Variants in ABI2 observed in about 807,000 individuals in gnomAD.
ABI2 encodes the protein abelson interactor 2.
ABI2 carries 25 observed loss-of-function variants against 59.2 expected under a neutral mutation model. That is an observed-to-expected ratio of 0.42 (90% CI 0.31 to 0.59). ABI2 has a LOEUF of 0.59. Ranked by LOEUF, ABI2 falls within the 20% of genes least tolerant of loss-of-function variation. The pLI, the probability that ABI2 is intolerant of heterozygous loss-of-function variation, is 0.14. For missense variants in ABI2, 545 were observed against 681.8 expected, an observed-to-expected ratio of 0.80 and a Z score of 2.23; for synonymous variants, 213 against 235.5, an observed-to-expected ratio of 0.90 and a Z score of 0.87.
chr2:203,361,594 G>A (rs2093517343), intron 1 of ABI2, among the ~76,000 whole-genome samples: 1 of 152,096 alleles, frequency 6.6e-6, no homozygotes, highest in Admixed American at 6.6e-5. Flanking sequence ...GAATGCTAAG[G>A]AAAACAGAAT....
At chr2:203,384,341 C>CT (rs2096362223) in intron 4 of ABI2, among the ~76,000 whole-genome samples, 1 of 132,280 alleles carries the variant, frequency 7.6e-6, no homozygotes, top group Non-Finnish European at 1.5e-5. Context: ...GGGTCTCACT[C>CT]TGTCACCCAG....
intron 4 of ABI2, among the ~76,000 whole-genome samples, chr2:203,386,753 C>T (rs1398133856): frequency 1.3e-5 from 2 of 151,348 alleles, no homozygotes; most frequent in African/African-American, 4.9e-5. Flanking sequence ...TTCTCCCTTC[C>T]TCAGACTTCC....
At chr2:203,377,043 C>T (rs1422918738) in intron 2 of ABI2, among the ~76,000 whole-genome samples, 2 of 152,166 alleles carry the variant, frequency 1.3e-5, no homozygotes, top group Non-Finnish European at 1.5e-5. Flanking sequence ...ATGTGCCAGG[C>T]ATAGTGGCTC....
chr2:203,335,775 A>G (rs2076184919), intron 1 of ABI2, among the ~76,000 whole-genome samples: 1 of 152,190 alleles, frequency 6.6e-6, no homozygotes, highest in Non-Finnish European at 1.5e-5. Flanking sequence ...GTTTTGAATC[A>G]TTTACAACAT....
At chr2:203,355,254 C>A in intron 1 of ABI2, 1 of 342,198 alleles carries the variant, frequency 2.9e-6, no homozygotes. Flanking sequence ...TTCCTGTAAT[C>A]CTAGCACTTT....
intron 2 of ABI2, among the ~76,000 whole-genome samples, chr2:203,377,198 C>G (rs1428545535): frequency 6.6e-6 from 1 of 152,148 alleles, no homozygotes; most frequent in East Asian, 1.9e-4. Context: ...GCCTGTAGTC[C>G]TAGCTACTCA....
At chr2:203,378,318 A>G (rs1028441523) in intron 2 of ABI2, among the ~76,000 whole-genome samples, 21 of 152,134 alleles carry the variant, frequency 1.4e-4, no homozygotes, top group South Asian at 4.1e-4. Context: ...TCACCGTGTT[A>G]GCCAGGATGG....
At chr2:203,400,734 G>T (rs2097186574) in intron 8 of ABI2, among the ~76,000 whole-genome samples, 1 of 152,066 alleles carries the variant, frequency 6.6e-6, no homozygotes, top group African/African-American at 2.4e-5. Flanking sequence ...TAAACTTTCA[G>T]CTCCTGTAGA....
Position 203,401,480 on chromosome 2 carries a change from G to T in ABI2, c.1034-1096G>T, listed in dbSNP as rs529759975. 8.9e-4 allele frequency among the ~76,000 whole-genome samples: 135 copies of T among 152,266 alleles called. 1 individual carries two copies. Among genetic ancestry groups the T allele is most frequent in the Non-Finnish European group, 1.7e-3 (117 of 68,024 alleles). On this transcript the variant is annotated intron_variant, in intron 8 of 11. Transcript: ENST00000261018. ...TAGGTGGGAGTGCAGTCAAGGTAAA[G>T]TTTAGGGAGTGGATTATATTATTAG...
At chr2:203,359,647 T>A (rs1351927266) in intron 1 of ABI2, among the ~76,000 whole-genome samples, 2 of 152,154 alleles carry the variant, frequency 1.3e-5, no homozygotes, top group Non-Finnish European at 1.5e-5. Flanking sequence ...TCAGCAGATT[T>A]GGTGTCTGTT....
chr2:203,360,805 T>C (rs2093381543), intron 1 of ABI2, among the ~76,000 whole-genome samples: 1 of 152,216 alleles, frequency 6.6e-6, no homozygotes, highest in African/African-American at 2.4e-5. Context: ...ATCAGGAAAC[T>C]TCTGAGTTTA....
At chr2:203,386,684 A>G (rs559986925) in intron 4 of ABI2, 1 of 140,844 alleles carries the variant, frequency 7.1e-6, no homozygotes, top group Admixed American at 7.5e-5. Flanking sequence ...TCTGTCACCC[A>G]AGGTGGAGTG....
chr2:203,377,767 A>T (rs7593791), intron 2 of ABI2, among the ~76,000 whole-genome samples: 212 of 152,314 alleles, frequency 1.4e-3, no homozygotes, highest in African/African-American at 4.9e-3. Context: ...TTAGGCCAGC[A>T]TGGTGGAACA....
intron 10 of ABI2, among the ~76,000 whole-genome samples, chr2:203,413,388 A>G (rs1386855246): frequency 3.3e-5 from 5 of 152,218 alleles, no homozygotes; most frequent in Admixed American, 3.3e-4. Context: ...CCTAAGAAGT[A>G]TTGTTTTAAT....
intron 1 of ABI2, among the ~76,000 whole-genome samples, chr2:203,332,845 A>G (rs139278950): frequency 6.6e-6 from 1 of 152,290 alleles, no homozygotes; most frequent in Non-Finnish European, 1.5e-5. Context: ...TTTTTGTTAG[A>G]TAAAAGTTAC....
At chr2:203,371,955 A>G (rs556037118) in intron 2 of ABI2, among the ~76,000 whole-genome samples, 211 of 149,316 alleles carry the variant, frequency 1.4e-3, no homozygotes, top group African/African-American at 5.1e-3. Context: ...TTAATTGATC[A>G]TTCTTGGGTG....
At chr2:203,345,297 C>A (rs894379954) in intron 1 of ABI2, among the ~76,000 whole-genome samples, 4 of 152,126 alleles carry the variant, frequency 2.6e-5, no homozygotes, top group Non-Finnish European at 2.9e-5. Context: ...ACCCTGAAGT[C>A]AAGCGAAACC....
At chr2:203,376,370 TGTTGA>T (rs2095678939) in intron 2 of ABI2, among the ~76,000 whole-genome samples, 1 of 152,214 alleles carries the variant, frequency 6.6e-6, no homozygotes, top group Admixed American at 6.5e-5. Flanking sequence ...ATAGTGCCAC[TGTTGA>T]GTTACCCTGC....
chr2:203,351,580 G>A (rs2088523630), intron 1 of ABI2: 1 of 437,154 alleles, frequency 2.3e-6, no homozygotes, highest in East Asian at 7.2e-5. Flanking sequence ...ATGTCATGCA[G>A]GCTGGAATGC....
Sources: allele counts gnomAD v4.1 joint callset (sites outside exome capture counted in the v4.1 genomes callset), GRCh38; gene constraint gnomAD v4.1.1; transcripts MANE v1.5; gene names NCBI Gene and HGNC (gene_info 2026-07-23, HGNC 2026-07-21).